The following MPPED2 variants were observed in gnomAD, a reference collection of about 807,000 sequenced individuals.
MPPED2 encodes metallophosphoesterase MPPED2.
MPPED2 carries 5 observed loss-of-function variants against 33.0 expected under a neutral mutation model. The ratio of observed to expected loss-of-function variants is 0.15; its 90% CI spans 0.08 to 0.32. MPPED2 has a LOEUF of 0.32. MPPED2 is among the 10% of genes least tolerant of loss of function. MPPED2 has a pLI of 1.00. For synonymous variants in MPPED2, 136 were observed against 141.9 expected (o/e 0.96, Z 0.29); for missense variants, 275 against 372.1 (o/e 0.74, Z 2.15).
intron 4 of MPPED2, among the ~76,000 whole-genome samples, chr11:30,494,457 G>T (rs1952137161): frequency 6.6e-6 from 1 of 152,064 alleles, no homozygotes; most frequent in African/African-American, 2.4e-5. Flanking sequence ...TAGAAAAAGG[G>T]CCAGGAGCGG....
intron 4 of MPPED2, among the ~76,000 whole-genome samples, chr11:30,427,063 G>A (rs1948871115): frequency 6.6e-6 from 1 of 152,320 alleles, no homozygotes; most frequent in South Asian, 2.1e-4. Context: ...GAAACTCACA[G>A]AGAATACCTG....
intron 4 of MPPED2, among the ~76,000 whole-genome samples, chr11:30,440,624 G>C (rs1477784654): frequency 6.6e-6 from 1 of 152,144 alleles, no homozygotes; most frequent in Admixed American, 6.5e-5. Context: ...CTTTACTCAA[G>C]GCAGCAAAAC....
chr11:30,499,778 T>C (rs1252197244), intron 3 of MPPED2, among the ~76,000 whole-genome samples: 1 of 152,238 alleles, frequency 6.6e-6, no homozygotes, highest in African/African-American at 2.4e-5. Flanking sequence ...TTCCATAAGC[T>C]TGCTGCTGGT....
chr11:30,551,290 T>A (rs1955699219), intron 2 of MPPED2, among the ~76,000 whole-genome samples: 1 of 152,212 alleles, frequency 6.6e-6, no homozygotes. Context: ...AGGTAGGTAT[T>A]ATTAATCCCA....
At chr11:30,556,993 A>G (rs1344585818) in intron 2 of MPPED2, among the ~76,000 whole-genome samples, 1 of 151,850 alleles carries the variant, frequency 6.6e-6, no homozygotes. Context: ...AAAAATCAAA[A>G]TCATAAGGGG....
At chr11:30,428,273 CATT>C (rs1451706731) in intron 4 of MPPED2, among the ~76,000 whole-genome samples, 6 of 152,228 alleles carry the variant, frequency 3.9e-5, no homozygotes, top group Non-Finnish European at 8.8e-5. Flanking sequence ...ATGCACACAA[CATT>C]ATATATCTGT....
intron 3 of MPPED2, among the ~76,000 whole-genome samples, chr11:30,499,400 A>G (rs960112899): frequency 2.6e-5 from 4 of 152,216 alleles, no homozygotes; most frequent in African/African-American, 7.2e-5. Context: ...AAATGCTCCA[A>G]TGAACATTTT....
chr11:30,424,963 GC>G (rs1370460834), intron 4 of MPPED2, among the ~76,000 whole-genome samples: 1 of 152,132 alleles, frequency 6.6e-6, no homozygotes, highest in Non-Finnish European at 1.5e-5. Context: ...CAAACCACCA[GC>G]CCAGCTGCCT....
exon 7 of MPPED2, chr11:30,388,779 C>T: frequency 7.6e-7 from 1 of 1,323,672 alleles, no homozygotes; most frequent in Non-Finnish European, 9.8e-7. Context: ...AGGCATCTTC[C>T]TTCCTTCCTG....
chr11:30,548,640 G>A (rs1201436614), intron 2 of MPPED2, among the ~76,000 whole-genome samples: 1 of 152,166 alleles, frequency 6.6e-6, no homozygotes, highest in East Asian at 1.9e-4. Flanking sequence ...ATTTAAAAAT[G>A]GGTAGATCTT....
At chr11:30,566,430 T>C (rs1385251908) in intron 2 of MPPED2, among the ~76,000 whole-genome samples, 1 of 152,146 alleles carries the variant, frequency 6.6e-6, no homozygotes, top group Admixed American at 6.6e-5. Flanking sequence ...AAGGCAGAGA[T>C]GATAGCATTA....
chr11:30,461,155 T>C (rs1950502914), intron 4 of MPPED2, among the ~76,000 whole-genome samples: 1 of 152,144 alleles, frequency 6.6e-6, no homozygotes, highest in African/African-American at 2.4e-5. Context: ...ATGAGGCACC[T>C]AAAATAGTCA....
chr11:30,498,592 G>A (rs571453596), intron 3 of MPPED2, among the ~76,000 whole-genome samples: 5 of 150,786 alleles, frequency 3.3e-5, no homozygotes, highest in South Asian at 4.2e-4. Context: ...CAGTTTCATC[G>A]TTCCCAAGGC....
At chr11:30,430,320 A>G (rs565010071) in intron 4 of MPPED2, among the ~76,000 whole-genome samples, 15 of 152,348 alleles carry the variant, frequency 9.8e-5, no homozygotes, top group Admixed American at 2.6e-4. Flanking sequence ...CGAAACACAC[A>G]TCATATTTTG....
chr11:30,449,368 CAGG>C (rs1401665691), intron 4 of MPPED2, among the ~76,000 whole-genome samples: 70 of 152,274 alleles, frequency 4.6e-4, no homozygotes, highest in African/African-American at 1.7e-3. Context: ...ACAGATAGGA[CAGG>C]TGCAGTGGCT....
At chr11:30,548,093 G>A (rs11031134) in intron 2 of MPPED2, among the ~76,000 whole-genome samples, 34,839 of 152,030 alleles carry the variant, frequency 0.23, 4,319 homozygotes, top group East Asian at 0.42. Context: ...CCCACTACCT[G>A]GGTATGACAC....
At chr11:30,493,477 A>C (rs1952087577) in intron 4 of MPPED2, among the ~76,000 whole-genome samples, 1 of 152,096 alleles carries the variant, frequency 6.6e-6, no homozygotes, top group Non-Finnish European at 1.5e-5. Flanking sequence ...GTCTTTTTCC[A>C]GTCCTATCCA....
intron 6 of MPPED2, among the ~76,000 whole-genome samples, chr11:30,395,325 T>C (rs1265406842): frequency 3.9e-5 from 6 of 152,144 alleles, no homozygotes; most frequent in African/African-American, 1.4e-4. Context: ...TTTTTGAAGA[T>C]AAGATAACTG....
intron 6 of MPPED2, among the ~76,000 whole-genome samples, chr11:30,394,525 A>G (rs1947816930): frequency 6.6e-6 from 1 of 152,166 alleles, no homozygotes; most frequent in African/African-American, 2.4e-5. Flanking sequence ...AGTAGCTAAT[A>G]AGGTCGGAAA....
Sources: gnomAD v4.1 joint callset for allele counts (sites outside exome capture counted in the v4.1 genomes callset) on GRCh38, gnomAD v4.1.1 for gene constraint, MANE v1.5 for transcripts, NCBI Gene and HGNC (gene_info 2026-07-23, HGNC 2026-07-21) for gene names.